LINGO1: variants seen among roughly 807,000 people sequenced by gnomAD.
LINGO1 encodes leucine rich repeat and Ig domain containing 1.
Under a neutral mutation model 37.3 loss-of-function variants are expected in LINGO1, and 11 were observed. The observed-to-expected ratio is 0.29, with a 90% CI of 0.19 to 0.49. The LOEUF (loss-of-function observed/expected upper bound fraction) is 0.49, where lower values mean the gene tolerates loss of function less well. LINGO1 is among the 20% of genes least tolerant of loss of function. LINGO1 has a pLI of 0.99. For missense variants in LINGO1, 585 were observed against 878.2 expected (o/e 0.67, Z 4.22); for synonymous variants, 387 against 403.0 (o/e 0.96, Z 0.48).
intron 1 of LINGO1, among the ~76,000 whole-genome samples, chr15:77,759,944 C>T (rs1259923319): frequency 6.6e-6 from 1 of 152,242 alleles, no homozygotes; most frequent in African/African-American, 2.4e-5. Context: ...TACTGCTCAC[C>T]TGGTGCCAGC....
chr15:77,810,266 A>G (rs117663324), intron 1 of LINGO1, among the ~76,000 whole-genome samples: 1 of 124,990 alleles, frequency 8.0e-6, no homozygotes, highest in Non-Finnish European at 1.8e-5. Context: ...ACATGCACAC[A>G]CTCACACACA....
upstream of LINGO1, among the ~76,000 whole-genome samples, chr15:77,791,443 C>T (rs1380592736): frequency 1.3e-5 from 2 of 151,918 alleles, no homozygotes; most frequent in Admixed American, 6.6e-5. Context: ...GTTAAGAAAG[C>T]ATTCTACATG....
chr15:77,632,406 T>G lies in LINGO1; in HGVS notation c.-91A>C. 2 of 1,228,946 alleles carry G rather than the reference T, an allele frequency of 1.6e-6. No homozygotes were observed. The highest frequency in any genetic ancestry group is 2.1e-6 in the Non-Finnish European group (2 of 972,540). The allele number at this position is 1,228,946 out of a possible 1,614,324, so 76.1% of individuals were successfully genotyped here. A position where few individuals can be genotyped will look rare whatever the true frequency, so the allele number is the denominator to read the frequency against. On this transcript the variant is annotated 5_prime_UTR_variant, in exon 1 of 2. Coordinates refer to ENST00000355300, the MANE Select transcript of LINGO1 (RefSeq NM_032808.7). The surrounding 1 kb of genome is among the most constrained non-coding windows in gnomAD (Gnocchi z 6.0). ...AGGCCCCAGCCCCTGCCCAGCCCCC[T>G]CCTCCGTTTCCTCCTCCTCCGACAC...
intron 3 of LINGO1, among the ~76,000 whole-genome samples, chr15:77,655,116 A>G (rs903225603): frequency 3.9e-5 from 6 of 152,214 alleles, no homozygotes; most frequent in African/African-American, 1.4e-4. Context: ...TGTCACACCA[A>G]GGAAGCTCTG....
At chr15:77,732,612 T>G (rs1185958290) in intron 2 of LINGO1, among the ~76,000 whole-genome samples, 1 of 152,224 alleles carries the variant, frequency 6.6e-6, no homozygotes, top group African/African-American at 2.4e-5. Flanking sequence ...AGGCTTCACA[T>G]GTGCAGTCCC....
At chr15:77,766,887 TA>T (rs1241671915) in intron 1 of LINGO1, among the ~76,000 whole-genome samples, 1 of 151,926 alleles carries the variant, frequency 6.6e-6, no homozygotes, top group African/African-American at 2.4e-5. Flanking sequence ...GCAGAATTTT[TA>T]AAAAAAAATC....
intron 2 of LINGO1, among the ~76,000 whole-genome samples, chr15:77,730,151 A>G (rs1274729733): frequency 2.6e-5 from 4 of 151,872 alleles, no homozygotes; most frequent in Non-Finnish European, 5.9e-5. Context: ...TGCACATAGG[A>G]GGAAGGCTCT....
intron 1 of LINGO1, among the ~76,000 whole-genome samples, chr15:77,738,408 C>T (rs2076223574): frequency 6.6e-6 from 1 of 152,184 alleles, no homozygotes; most frequent in Non-Finnish European, 1.5e-5. Context: ...CTCCTTCCCA[C>T]ACGGGCCAGT....
At chr15:77,674,035 C>T (rs2075291454) in intron 3 of LINGO1, among the ~76,000 whole-genome samples, 1 of 152,066 alleles carries the variant, frequency 6.6e-6, no homozygotes, top group South Asian at 2.1e-4. Context: ...GGTTGTTCAG[C>T]ACTCCTGTCC....
At chr15:77,677,646 A>T (rs1305936487) in intron 2 of LINGO1, among the ~76,000 whole-genome samples, 1 of 152,024 alleles carries the variant, frequency 6.6e-6, no homozygotes, top group Non-Finnish European at 1.5e-5. Context: ...AAGGTCCCCA[A>T]GGACCCCATC....
chr15:77,742,303 C>A (rs1185013120), intron 1 of LINGO1, among the ~76,000 whole-genome samples: 1 of 152,230 alleles, frequency 6.6e-6, no homozygotes, highest in South Asian at 2.1e-4. Flanking sequence ...GCTCCCTGGC[C>A]TTCCTCCCCA....
intron 1 of LINGO1, among the ~76,000 whole-genome samples, chr15:77,786,287 C>T (rs2076770260): frequency 6.6e-6 from 1 of 152,132 alleles, no homozygotes; most frequent in African/African-American, 2.4e-5. Flanking sequence ...GAGCCTGAGT[C>T]ACTTGCTCAA....
intron 1 of LINGO1, among the ~76,000 whole-genome samples, chr15:77,744,054 G>A (rs942659000): frequency 5.3e-5 from 8 of 152,166 alleles, no homozygotes; most frequent in African/African-American, 1.9e-4. Context: ...AAGAGCCTTG[G>A]GAGAGAACTC....
chr15:77,747,828 T>C (rs1269161973), intron 1 of LINGO1, among the ~76,000 whole-genome samples: 1 of 150,162 alleles, frequency 6.7e-6, no homozygotes, highest in Non-Finnish European at 1.5e-5. Flanking sequence ...AGTGAAACTA[T>C]CCCAGAGAGA....
chr15:77,679,624 G>T (rs2075381956), intron 2 of LINGO1, among the ~76,000 whole-genome samples: 1 of 152,226 alleles, frequency 6.6e-6, no homozygotes, highest in East Asian at 1.9e-4. Context: ...CTAGCCCAAG[G>T]TCACACAGTT....
intron 1 of LINGO1, among the ~76,000 whole-genome samples, chr15:77,763,172 C>T (rs180872718): frequency 8.3e-4 from 126 of 152,218 alleles, no homozygotes; most frequent in Middle Eastern, 3.4e-3. Flanking sequence ...CAGTAATTAA[C>T]GTCTCATTAA....
In LINGO1 at chr15:77,644,211, C is replaced by T. The variant is rs563417747; in HGVS notation, c.-12-28311G>A. The stretch of plus-strand genomic sequence containing the variant: ...TTGAACATGTGTGTGGTGTCTCTGT[C>T]GTGTGTGTCAGGGTAGGTGTCCCGA... On this transcript the variant is annotated intron_variant, in intron 3 of 3. Coordinates refer to the LINGO1 transcript ENST00000559893. Among the ~76,000 whole-genome samples the T allele has an allele frequency of 2.6e-5, 4 of 152,306 alleles. No individual in the cohort carries two copies. In the South Asian group the frequency reaches 6.2e-4, roughly 24 times the overall value.
intron 3 of LINGO1, among the ~76,000 whole-genome samples, chr15:77,653,997 T>C (rs886980854): frequency 2.0e-5 from 3 of 152,254 alleles, no homozygotes; most frequent in African/African-American, 7.2e-5. Flanking sequence ...ACTGCAGTTC[T>C]CTGTCCCCTT....
chr15:77,711,462 C>A (rs562902521), intron 2 of LINGO1, among the ~76,000 whole-genome samples: 1 of 152,236 alleles, frequency 6.6e-6, no homozygotes, highest in Admixed American at 6.5e-5. Flanking sequence ...CCAAGTAGGC[C>A]TGAGGCCTGC....
Sources: gnomAD v4.1 joint callset for allele counts (sites outside exome capture counted in the v4.1 genomes callset) on GRCh38, gnomAD v4.1.1 for gene constraint, Gnocchi (gnomAD v3.1) non-coding constraint, MANE v1.5 for transcripts, NCBI Gene and HGNC (gene_info 2026-07-23, HGNC 2026-07-21) for gene names.